SGSM1: variants seen among roughly 807,000 people sequenced by gnomAD.
SGSM1 encodes small G protein signaling modulator 1.
In SGSM1, 73 loss-of-function variants were observed where a neutral mutation model predicts 133.8. The ratio of observed to expected loss-of-function variants is 0.55; its 90% CI spans 0.45 to 0.66. The LOEUF (loss-of-function observed/expected upper bound fraction) is 0.66. Ranked by LOEUF, SGSM1 falls within the 30% of genes least tolerant of loss-of-function variation. SGSM1 has a pLI of 0.00. For synonymous variants in SGSM1, 563 were observed against 573.0 expected (o/e 0.98, Z 0.25); for missense variants, 1,213 against 1,448.1 (o/e 0.84, Z 2.64).
At chr22:24,863,744 C>CTT (rs200717326) in intron 9 of SGSM1, among the ~76,000 whole-genome samples, 6 of 140,408 alleles carry the variant, frequency 4.3e-5, no homozygotes, top group African/African-American at 1.1e-4. Flanking sequence ...TTCTTCTTTT[C>CTT]TTTTTTTTTT....
chr22:24,897,557 C>A (rs942383416), intron 18 of SGSM1, among the ~76,000 whole-genome samples: 7 of 152,146 alleles, frequency 4.6e-5, no homozygotes, highest in Admixed American at 3.3e-4. Context: ...AGTCTTGACT[C>A]CCCAGGCTTG....
chr22:24,884,000 G>A, intron 14 of SGSM1, 53 bp from the exon 15 acceptor site: 20 of 1,520,088 alleles, frequency 1.3e-5, no homozygotes, highest in South Asian at 3.8e-5. Context: ...CATGAGACAA[G>A]GTGAGGGGCT....
chr22:24,907,542 G>GT (rs1241735964), intron 21 of SGSM1, among the ~76,000 whole-genome samples: 1 of 151,418 alleles, frequency 6.6e-6, no homozygotes, highest in Non-Finnish European at 1.5e-5. Context: ...GTTTTTTTTG[G>GT]TTTTTTGGTT....
chr22:24,886,816 C>A, intron 16 of SGSM1, 88 bp downstream of exon 16: 1 of 1,436,456 alleles, frequency 7.0e-7, no homozygotes, highest in Non-Finnish European at 9.3e-7. Flanking sequence ...CCACGCTGGA[C>A]CAAGGAAGGG....
In SGSM1 at chr22:24,876,727, T is replaced by C; in HGVS notation, c.1430+12T>C. 6.2e-7 allele frequency: 1 copy of C among 1,613,916 alleles called. No individual in the cohort carries two copies. The highest frequency in any genetic ancestry group is 1.3e-5 in the African/African-American group (1 of 75,024). On this transcript the variant is annotated intron_variant, in intron 13 of 24. Coordinates refer to ENST00000400358, the MANE Select transcript of SGSM1 (RefSeq NM_001098497.3). ...TGCAACCATGAGAGGTATGAGGGGC[T>C]TGAGCTGCAGATGGAGAGAGCTGAA...
chr22:24,844,178 G>A (rs1336347586), intron 2 of SGSM1: 1 of 152,298 alleles, frequency 6.6e-6, no homozygotes, highest in East Asian at 1.9e-4. Flanking sequence ...TGAAGTTTCT[G>A]CCCTTGTGGA....
At chr22:24,837,522 C>A in intron 2 of SGSM1, among the ~76,000 whole-genome samples, 1 of 151,326 alleles carries the variant, frequency 6.6e-6, no homozygotes. Context: ...GATGTCAGGC[C>A]CTCCACAAGA....
intron 2 of SGSM1, among the ~76,000 whole-genome samples, chr22:24,829,607 T>C (rs1024501720): frequency 2.6e-5 from 4 of 152,212 alleles, no homozygotes; most frequent in Admixed American, 1.3e-4. Context: ...CAGCTTCTGC[T>C]GTGAGGCAAG....
chr22:24,847,760 G>T lies in SGSM1; in HGVS notation c.266G>T (p.Arg89Leu), dbSNP rs201677185. The T allele has an allele frequency of 3.7e-6, 6 of 1,613,732 alleles. No individual in the cohort carries two copies. In the African/African-American group the frequency reaches 8.0e-5, roughly 22 times the overall value. ...KNFPPAEDLS[R>L]KVQDLEQLIE... is the part of the protein sequence containing the mutation. ...TTCCCGCCGGCTGAGGATCTGAGCCGCAAGGTGCAAGACCTGGAGCAGCTG... is the reference window on the plus strand; with the variant it reads ...TTCCCGCCGGCTGAGGATCTGAGCCTCAAGGTGCAAGACCTGGAGCAGCTG... The change falls in exon 4 of 25, where the codon CGC (arginine) becomes CTC (leucine). Residue 89 changes from arginine (R) to leucine (L), a missense_variant. Arg to Leu is a moderately radical substitution (Grantham distance 102). Transcript: ENST00000400358.
chr22:24,853,952 A>G (rs1009210012), intron 5 of SGSM1, among the ~76,000 whole-genome samples: 1 of 149,314 alleles, frequency 6.7e-6, no homozygotes, highest in African/African-American at 2.5e-5. Flanking sequence ...GCAAGAGAAA[A>G]ATGAGGAAGA....
intron 12 of SGSM1, among the ~76,000 whole-genome samples, chr22:24,875,641 GAAAA>G (rs61221092): frequency 9.2e-5 from 11 of 119,454 alleles, no homozygotes; most frequent in African/African-American, 3.1e-4. Flanking sequence ...CTCCATCTCA[GAAAA>G]AAAAAAAAAG....
At chr22:24,922,536 C>T (rs575769398) in intron 24 of SGSM1, among the ~76,000 whole-genome samples, 10 of 145,462 alleles carry the variant, frequency 6.9e-5, no homozygotes, top group African/African-American at 2.3e-4. Context: ...AGTGCAGTGG[C>T]GCGATCTCGA....
chr22:24,822,620 A>C (rs925249967), intron 2 of SGSM1, among the ~76,000 whole-genome samples: 1 of 152,194 alleles, frequency 6.6e-6, no homozygotes, highest in African/African-American at 2.4e-5. Context: ...CTGGGCATGC[A>C]GGGAGAGGTG....
chr22:24,907,836 C>T (rs36052344), intron 21 of SGSM1, among the ~76,000 whole-genome samples: 16,925 of 139,844 alleles, frequency 0.12, 1,238 homozygotes, highest in African/African-American at 0.2. Context: ...GGCATGAACC[C>T]GGGAGGCGGA....
intron 3 of SGSM1, among the ~76,000 whole-genome samples, chr22:24,847,082 C>T (rs760027134): frequency 2.1e-4 from 32 of 152,102 alleles, no homozygotes; most frequent in Non-Finnish European, 4.0e-4. Context: ...CCTCGCTCTC[C>T]AGCACCCAGC....
chr22:24,920,595 C>T (rs1352070938), intron 24 of SGSM1, among the ~76,000 whole-genome samples: 1 of 152,120 alleles, frequency 6.6e-6, no homozygotes. Context: ...GTACCTGGCT[C>T]ATAGGAGGGA....
At chr22:24,867,211 G>A in intron 10 of SGSM1, 51 bp downstream of exon 10, 3 of 1,564,272 alleles carry the variant, frequency 1.9e-6, no homozygotes, top group Non-Finnish European at 2.6e-6. Context: ...TGGATCCCCT[G>A]CCTGTCTCCA....
At chr22:24,904,944 T>A (rs1933317335) in intron 20 of SGSM1, among the ~76,000 whole-genome samples, 161 bp from the exon 21 acceptor site, 1 of 151,954 alleles carries the variant, frequency 6.6e-6, no homozygotes, top group Admixed American at 6.6e-5. Flanking sequence ...TGGCTGCACA[T>A]AGGATGTTTG....
chr22:24,855,774 T>C (rs1203530934), intron 8 of SGSM1, 94 bp downstream of exon 8: 1 of 1,594,114 alleles, frequency 6.3e-7, no homozygotes. Flanking sequence ...GCCAATCCAT[T>C]CATCCATTTA....
Sources: gnomAD v4.1 joint callset for allele counts (sites outside exome capture counted in the v4.1 genomes callset) on GRCh38, gnomAD v4.1.1 for gene constraint, MANE v1.5 for transcripts, NCBI Gene and HGNC (gene_info 2026-07-23, HGNC 2026-07-21) for gene names.